The following SESN1 variants were observed in gnomAD, a reference collection of about 807,000 sequenced individuals.
SESN1 encodes sestrin-1.
SESN1 carries 30 observed loss-of-function variants against 59.3 expected under a neutral mutation model. The observed-to-expected ratio is 0.51, with a 90% CI of 0.38 to 0.69. The LOEUF is 0.69. Ranked by LOEUF, SESN1 falls within the 30% of genes least tolerant of loss-of-function variation. The pLI is 0.00. For synonymous variants in SESN1, 197 were observed against 219.9 expected (o/e 0.90, Z 0.92); for missense variants, 566 against 673.0 (o/e 0.84, Z 1.76).
chr6:109,030,892 C>T (rs904805717), intron 1 of SESN1, among the ~76,000 whole-genome samples: 23 of 152,316 alleles, frequency 1.5e-4, no homozygotes, highest in African/African-American at 4.6e-4. Context: ...AAATGCAGGT[C>T]TGCTCTGACT....
At chr6:108,990,023 G>A (rs941253038) in intron 8 of SESN1, among the ~76,000 whole-genome samples, 1 of 152,160 alleles carries the variant, frequency 6.6e-6, no homozygotes, top group African/African-American at 2.4e-5. Context: ...GGGTTTGTAG[G>A]TTTTGACCAG....
intron 5 of SESN1, among the ~76,000 whole-genome samples, chr6:108,997,915 G>A (rs546437010): frequency 1.3e-5 from 2 of 152,188 alleles, no homozygotes; most frequent in African/African-American, 2.4e-5. Context: ...TTTCAAAGGA[G>A]TAACAAAACT....
chr6:108,985,704 G>GTAT lies in SESN1; in HGVS notation c.*1837_*1839dup, dbSNP rs1366571976. Among the ~76,000 whole-genome samples, 2 of 152,186 alleles carry GTAT rather than the reference G, an allele frequency of 1.3e-5. No individual in the cohort carries two copies. Among genetic ancestry groups the GTAT allele is most frequent in the South Asian group, 2.1e-4 (1 of 4,814 alleles). On this transcript the variant is annotated 3_prime_UTR_variant, in exon 10 of 10. Transcript: ENST00000436639. ...GATTAGAATCTCTACTAGAAATTTT[G>GTAT]TATTTTCAAGAGGAGGAACAAAGAG...
chr6:109,062,334 A>G (rs1780747028), intron 1 of SESN1, among the ~76,000 whole-genome samples: 1 of 152,250 alleles, frequency 6.6e-6, no homozygotes, highest in African/African-American at 2.4e-5. Context: ...AAAAGTAAGC[A>G]GTAAGCAAAG....
At chr6:109,054,916 C>T (rs1028757768) in intron 1 of SESN1, among the ~76,000 whole-genome samples, 2 of 152,184 alleles carry the variant, frequency 1.3e-5, no homozygotes, top group African/African-American at 2.4e-5. Context: ...TTTAAAAGAT[C>T]TTCCCTAACT....
intron 5 of SESN1, among the ~76,000 whole-genome samples, chr6:108,997,777 C>T (rs1433775816): frequency 6.6e-6 from 1 of 152,160 alleles, no homozygotes; most frequent in African/African-American, 2.4e-5. Flanking sequence ...GGTACTGCTT[C>T]TAAAATTTAT....
intron 1 of SESN1, among the ~76,000 whole-genome samples, chr6:109,061,727 C>T (rs913044399): frequency 2.0e-5 from 3 of 151,996 alleles, no homozygotes; most frequent in African/African-American, 4.8e-5. Context: ...TGGCTTGAGC[C>T]CAGGAGGCAG....
chr6:108,998,406 C>T (rs1275072017), intron 5 of SESN1, 107 bp downstream of exon 5: 38 of 1,362,248 alleles, frequency 2.8e-5, no homozygotes, highest in Non-Finnish European at 3.7e-5. Flanking sequence ...CCCAATATCT[C>T]CACAGTCTTA....
intron 1 of SESN1, among the ~76,000 whole-genome samples, chr6:109,039,477 C>A (rs1780305401): frequency 6.6e-6 from 1 of 152,160 alleles, no homozygotes; most frequent in Non-Finnish European, 1.5e-5. Flanking sequence ...CAATTTAAGA[C>A]AACTTGGAGG....
Position 109,078,230 on chromosome 6 carries a change from A to G in SESN1, c.279+15565T>C, listed in dbSNP as rs957525642. On this transcript the variant is annotated intron_variant, in intron 1 of 9. Coordinates refer to ENST00000436639, the MANE Select transcript of SESN1 (RefSeq NM_014454.3). ...GACCCTGTCTCTACAAAAAACTTAA[A>G]AATTGGCTGGGTGCAGTGGTGTGCA... 5.3e-5 allele frequency among the ~76,000 whole-genome samples: 8 copies of G among 152,090 alleles called. No individual in the cohort carries two copies. In the South Asian group the frequency reaches 6.2e-4, roughly 12 times the overall value.
At chr6:109,002,386 C>T (rs1301632481) in intron 1 of SESN1, 43 bp from the exon 2 acceptor site, 5 of 1,493,308 alleles carry the variant, frequency 3.3e-6, no homozygotes, top group Admixed American at 1.7e-5. Flanking sequence ...TGGCAGTAAA[C>T]AAAATGAACT....
chr6:109,026,730 C>A (rs1361012669), intron 1 of SESN1, among the ~76,000 whole-genome samples: 1 of 152,004 alleles, frequency 6.6e-6, no homozygotes, highest in Non-Finnish European at 1.5e-5. Context: ...GTCTCGATCT[C>A]TTGACCTCAT....
intron 1 of SESN1, among the ~76,000 whole-genome samples, chr6:109,085,948 C>T (rs1156466710): frequency 6.6e-6 from 1 of 152,296 alleles, no homozygotes; most frequent in South Asian, 2.1e-4. Context: ...TGGTTCCTTC[C>T]AGTCCATGCT....
chr6:108,994,668 CT>C, intron 5 of SESN1, 59 bp from the exon 6 acceptor site: 1 of 671,690 alleles, frequency 1.5e-6, no homozygotes, highest in Non-Finnish European at 2.3e-6. Flanking sequence ...TATGAATTAT[CT>C]TTTAAGTCTG....
At chr6:109,012,040 C>A (rs1779867428) in intron 1 of SESN1, among the ~76,000 whole-genome samples, 1 of 152,124 alleles carries the variant, frequency 6.6e-6, no homozygotes. Context: ...GAAGGTAGGC[C>A]TGATGTTCTG....
At chr6:109,012,802 C>A (rs372768412) in intron 1 of SESN1, among the ~76,000 whole-genome samples, 1 of 151,872 alleles carries the variant, frequency 6.6e-6, no homozygotes, top group Non-Finnish European at 1.5e-5. Context: ...AGGAGAGTAA[C>A]GGAAGGAGTT....
intron 1 of SESN1, among the ~76,000 whole-genome samples, chr6:109,025,264 G>T (rs1478633999): frequency 2.6e-5 from 4 of 151,930 alleles, no homozygotes; most frequent in Admixed American, 2.6e-4. Flanking sequence ...ACACAAGGTG[G>T]ATCACACATA....
intron 1 of SESN1, among the ~76,000 whole-genome samples, chr6:109,081,299 T>C (rs1203966079): frequency 6.6e-6 from 1 of 152,168 alleles, no homozygotes; most frequent in Non-Finnish European, 1.5e-5. Flanking sequence ...CAAGCAGGTG[T>C]TGAACTCTGG....
chr6:108,992,734 A>G, intron 7 of SESN1, 53 bp downstream of exon 7: 2 of 1,142,680 alleles, frequency 1.8e-6, no homozygotes, highest in East Asian at 4.7e-5. Context: ...TTGTATTTTA[A>G]GTCAGACTGA....
Sources: allele counts gnomAD v4.1 joint callset (sites outside exome capture counted in the v4.1 genomes callset), GRCh38; gene constraint gnomAD v4.1.1; transcripts MANE v1.5; gene names NCBI Gene and HGNC (gene_info 2026-07-23, HGNC 2026-07-21).